The following EYS variants were observed in gnomAD, a reference collection of about 807,000 sequenced individuals.
The protein encoded by EYS is protein eyes shut homolog.
Under a neutral mutation model 282.1 loss-of-function variants are expected in EYS, and 250 were observed. The observed-to-expected ratio is 0.89, with a 90% CI of 0.80 to 0.98. EYS has a LOEUF of 0.98. Ranked by LOEUF, EYS falls within the 50% of genes least tolerant of loss-of-function variation. EYS has a pLI of 0.00. For missense variants in EYS, 4,016 were observed against 3,709.0 expected (o/e 1.08, Z -2.15); for synonymous variants, 1,355 against 1,282.9 (o/e 1.06, Z -1.20).
At chr6:65,650,440 A>G (rs1473296315) in intron 1 of EYS, among the ~76,000 whole-genome samples, 3 of 152,098 alleles carry the variant, frequency 2.0e-5, no homozygotes, top group Non-Finnish European at 4.4e-5. Flanking sequence ...GTAGCCATAT[A>G]TTTATTTTAT....
At chr6:64,883,210 A>G (rs530337588) in intron 19 of EYS, among the ~76,000 whole-genome samples, 1 of 151,634 alleles carries the variant, frequency 6.6e-6, no homozygotes, top group East Asian at 1.9e-4. Context: ...TATTCAGAAG[A>G]CAGCTTAGTT....
At chr6:65,530,564 T>C (rs1177631312) in intron 2 of EYS, among the ~76,000 whole-genome samples, 1 of 152,174 alleles carries the variant, frequency 6.6e-6, no homozygotes, top group Non-Finnish European at 1.5e-5. Context: ...TAAAAAAGCT[T>C]ATAAAAACAT....
chr6:65,559,119 CACTTTG>C (rs1179457132), intron 2 of EYS, among the ~76,000 whole-genome samples: 2 of 152,168 alleles, frequency 1.3e-5, no homozygotes, highest in East Asian at 3.9e-4. Context: ...GTAATCCCAA[CACTTTG>C]AGAGGCTGAT....
At chr6:64,278,859 G>C (rs1768207708) in intron 30 of EYS, among the ~76,000 whole-genome samples, 1 of 151,878 alleles carries the variant, frequency 6.6e-6, no homozygotes, top group African/African-American at 2.4e-5. Context: ...GAACTCCTGG[G>C]CTCCAGCAAA....
At chr6:65,176,430 G>C (rs1322686455) in intron 12 of EYS, among the ~76,000 whole-genome samples, 1 of 151,514 alleles carries the variant, frequency 6.6e-6, no homozygotes, top group Non-Finnish European at 1.5e-5. Flanking sequence ...AGATAATTTA[G>C]TGAATAGTAA....
intron 34 of EYS, among the ~76,000 whole-genome samples, chr6:63,985,232 T>A (rs1212069294): frequency 6.6e-6 from 1 of 151,676 alleles, no homozygotes; most frequent in Admixed American, 6.6e-5. Flanking sequence ...AATATTGCCA[T>A]GTGAACAAAA....
At chr6:65,293,540 A>G (rs1323607128) in intron 12 of EYS, among the ~76,000 whole-genome samples, 1 of 151,868 alleles carries the variant, frequency 6.6e-6, no homozygotes, top group Admixed American at 6.6e-5. Context: ...TGCTTTCCTC[A>G]TGCTGTGTTT....
chr6:65,478,634 A>G (rs1765491988), intron 5 of EYS, among the ~76,000 whole-genome samples: 1 of 152,184 alleles, frequency 6.6e-6, no homozygotes, highest in Admixed American at 6.5e-5. Flanking sequence ...TAGTGAAGTC[A>G]GGACCACTTT....
At chr6:64,186,248 T>TACACACACACACACACACACAC (rs34727951) in intron 31 of EYS, among the ~76,000 whole-genome samples, 1 of 146,968 alleles carries the variant, frequency 6.8e-6, no homozygotes, top group African/African-American at 2.5e-5. Flanking sequence ...ATGTGTGTTT[T>TACACACACACACACACACACAC]ACACACACAC....
chr6:65,159,748 G>C (rs926197609), intron 12 of EYS, among the ~76,000 whole-genome samples: 1 of 150,852 alleles, frequency 6.6e-6, no homozygotes, highest in African/African-American at 2.4e-5. Flanking sequence ...AGATATCCTG[G>C]TTTTGTCAAA....
At chr6:63,903,222 G>A (rs941880411) in intron 35 of EYS, among the ~76,000 whole-genome samples, 1 of 152,100 alleles carries the variant, frequency 6.6e-6, no homozygotes, top group South Asian at 2.1e-4. Context: ...ATCTAAGCTG[G>A]GAGTGGAATC....
intron 33 of EYS, among the ~76,000 whole-genome samples, chr6:64,036,173 C>T (rs566139772): frequency 9.2e-5 from 14 of 152,018 alleles, no homozygotes; most frequent in African/African-American, 3.1e-4. Context: ...CTCTGCCATT[C>T]CAGACTAGGA....
At chr6:64,593,961 T>C (rs1030914315) in intron 24 of EYS, among the ~76,000 whole-genome samples, 1 of 152,198 alleles carries the variant, frequency 6.6e-6, no homozygotes, top group African/African-American at 2.4e-5. Flanking sequence ...TTATACTATA[T>C]GAATCATTTT....
chr6:63,841,199 T>A (rs962844972), intron 36 of EYS, among the ~76,000 whole-genome samples: 1 of 152,210 alleles, frequency 6.6e-6, no homozygotes, highest in Admixed American at 6.5e-5. Context: ...AATTCTATAC[T>A]TAAGTTATCT....
rs1764761133 is a variant in EYS, at chr6:65,459,966, T to TA, written c.862+30627_862+30628insT. On this transcript the variant is annotated intron_variant, in intron 5 of 42. Coordinates refer to ENST00000503581, the MANE Select transcript of EYS (RefSeq NM_001142800.2). ...GCGTGTGTGTGTGTGTGTTTGTGTA[T>TA]TTTATATATATATATATATATATAT... is the stretch of plus-strand genomic sequence containing the variant. 4.3e-4 allele frequency among the ~76,000 whole-genome samples: 27 copies of TA among 62,170 alleles called. No homozygotes were observed. The South Asian group carries it at 9.3e-3, about 21-fold the overall frequency. 40.8% of individuals were successfully genotyped at this position (62,170 alleles called of 152,430 possible).
chr6:65,238,438 G>A (rs943415472), intron 12 of EYS, among the ~76,000 whole-genome samples: 14 of 151,668 alleles, frequency 9.2e-5, no homozygotes, highest in Non-Finnish European at 3.0e-5. Flanking sequence ...GAAGCGCTGG[G>A]TTTGAATCCT....
At chr6:65,015,371 A>G (rs948516680) in intron 13 of EYS, among the ~76,000 whole-genome samples, 4 of 152,218 alleles carry the variant, frequency 2.6e-5, no homozygotes, top group Non-Finnish European at 4.4e-5. Flanking sequence ...GAAGTTCACT[A>G]ATTTGAAATA....
chr6:64,611,158 T>C (rs766045086), intron 24 of EYS, among the ~76,000 whole-genome samples: 1 of 151,774 alleles, frequency 6.6e-6, no homozygotes. Flanking sequence ...ATTTTTTGTG[T>C]TTTTTTTGTT....
At chr6:64,162,994 T>A (rs1775155216) in intron 31 of EYS, among the ~76,000 whole-genome samples, 1 of 152,044 alleles carries the variant, frequency 6.6e-6, no homozygotes, top group Non-Finnish European at 1.5e-5. Context: ...AAATAGATAC[T>A]AAGGGAAAAA....
Sources: allele counts gnomAD v4.1 joint callset (sites outside exome capture counted in the v4.1 genomes callset), GRCh38; gene constraint gnomAD v4.1.1; transcripts MANE v1.5; gene names NCBI Gene and HGNC (gene_info 2026-07-23, HGNC 2026-07-21).